WWTR1: variants seen among roughly 807,000 people sequenced by gnomAD.
WWTR1 encodes WW domain containing transcription regulator 1.
WWTR1 carries 13 observed loss-of-function variants against 40.1 expected under a neutral mutation model. The observed-to-expected ratio is 0.32, with a 90% confidence interval of 0.21 to 0.52. The LOEUF (loss-of-function observed/expected upper bound fraction) is 0.52. Among genes scored for constraint, WWTR1 ranks in the 20% least tolerant of loss-of-function variants. WWTR1 has a pLI of 0.97. For missense variants in WWTR1, 436 were observed against 523.1 expected (o/e 0.83, Z 1.63); for synonymous variants, 230 against 210.1 (o/e 1.09, Z -0.82).
rs142783248 is a variant in WWTR1 at position 149,612,331 on chromosome 3, T to TA, written c.432-39332dup. Among the ~76,000 whole-genome samples the TA allele has an allele frequency of 7.9e-3, 1,196 of 151,248 alleles. 18 individuals are homozygous for TA. The highest frequency in any genetic ancestry group is 0.027 in the African/African-American group (1,116 of 41,136). On this transcript the variant is annotated intron_variant, in intron 2 of 6. Transcript: ENST00000360632. ...TAATTTTGTTACAATGGGCATTGGGTAAACGTTCTCACAGATTAACTTAAT... is the reference window on the plus strand; with the variant it reads ...TAATTTTGTTACAATGGGCATTGGGTAAAACGTTCTCACAGATTAACTTAAT...
At position 149,630,561 on chromosome 3, in the gene WWTR1, T is replaced by C. The variant is rs140657354; in HGVS notation, c.431+26315A>G. Among the ~76,000 whole-genome samples, 33 of 152,310 alleles carry C rather than the reference T, an allele frequency of 2.2e-4. No individual in the cohort carries two copies. The East Asian group carries it at 3.3e-3, about 15-fold the overall frequency. On this transcript the variant is annotated intron_variant, in intron 2 of 6. Transcript: ENST00000360632. ...AGTCCCGCTCAGCTCCCGTACCTTCTAGGCAGAAATAGTCTTGTCACTTCA... is the reference window on the plus strand; with the variant it reads ...AGTCCCGCTCAGCTCCCGTACCTTCCAGGCAGAAATAGTCTTGTCACTTCA...
At chr3:149,521,590 C>A (rs1166095881) in intron 6 of WWTR1, among the ~76,000 whole-genome samples, 1 of 152,140 alleles carries the variant, frequency 6.6e-6, no homozygotes, top group East Asian at 1.9e-4. Flanking sequence ...GTAAAGAAAT[C>A]TTTTGTTTTC....
chr3:149,518,980 C>G lies in WWTR1; in HGVS notation c.*1825G>C, dbSNP rs1734916692. 6.6e-6 allele frequency: 1 copy of G among 151,946 alleles called. No homozygotes were observed. Among genetic ancestry groups the G allele is most frequent in the Admixed American group, 6.6e-5 (1 of 15,224 alleles). The allele number at this position is 151,946 out of a possible 1,614,324, so 9.4% of individuals were successfully genotyped here. A position where few individuals can be genotyped will look rare whatever the true frequency, so the allele number is the denominator to read the frequency against. On this transcript the variant is annotated 3_prime_UTR_variant, in exon 7 of 7. Transcript: ENST00000360632. ...TCTTTCCAACATGATCCAATGTACT[C>G]TGTACATGTATATTCCGGTAGATCA...
chr3:149,536,489 G>T (rs868352836), intron 4 of WWTR1, among the ~76,000 whole-genome samples: 1 of 151,858 alleles, frequency 6.6e-6, no homozygotes, highest in South Asian at 2.1e-4. Context: ...AAAAGGGGGG[G>T]GCCTCAGAAC....
At chr3:149,565,718 C>A (rs904893241) in intron 3 of WWTR1, among the ~76,000 whole-genome samples, 15 of 151,830 alleles carry the variant, frequency 9.9e-5, no homozygotes, top group African/African-American at 3.6e-4. Context: ...TTGAGACCAG[C>A]CTGACCAACA....
intron 2 of WWTR1, among the ~76,000 whole-genome samples, chr3:149,640,530 C>T (rs893268440): frequency 1.2e-4 from 19 of 152,094 alleles, no homozygotes; most frequent in African/African-American, 4.3e-4. Context: ...TAGTGAATCT[C>T]CTGCCTCAGC....
chr3:149,716,595 A>T (rs1715611383), intron 5 of WWTR1, among the ~76,000 whole-genome samples: 1 of 152,132 alleles, frequency 6.6e-6, no homozygotes, highest in African/African-American at 2.4e-5. Flanking sequence ...GGGAAAAAAA[A>T]ATTATATTTT....
chr3:149,594,190 A>G (rs554245101), intron 2 of WWTR1, among the ~76,000 whole-genome samples: 3 of 152,334 alleles, frequency 2.0e-5, no homozygotes, highest in African/African-American at 7.2e-5. Flanking sequence ...AAAGGGATGT[A>G]GTTTCCATAT....
chr3:149,550,391 G>A (rs1736559968), intron 3 of WWTR1, among the ~76,000 whole-genome samples: 1 of 152,034 alleles, frequency 6.6e-6, no homozygotes, highest in African/African-American at 2.4e-5. Context: ...GAGTAATAGG[G>A]GGTACCAAGA....
intron 1 of WWTR1, among the ~76,000 whole-genome samples, chr3:149,674,384 C>T (rs1714196216): frequency 1.3e-5 from 2 of 151,894 alleles, no homozygotes; most frequent in South Asian, 2.1e-4. Flanking sequence ...GTCCGGAGTT[C>T]GAGACCAGCC....
intron 2 of WWTR1, among the ~76,000 whole-genome samples, chr3:149,624,632 G>A (rs1437471043): frequency 6.6e-6 from 1 of 152,158 alleles, no homozygotes; most frequent in East Asian, 1.9e-4. Flanking sequence ...AAATAACATT[G>A]CTTCTGCTAA....
chr3:149,695,248 G>A (rs1306034782), intron 1 of WWTR1, among the ~76,000 whole-genome samples: 1 of 152,104 alleles, frequency 6.6e-6, no homozygotes, highest in Non-Finnish European at 1.5e-5. Flanking sequence ...GTATTTGACA[G>A]CACAACAGGG....
At chr3:149,717,911 GATTTT>G (rs1715650535) in intron 4 of WWTR1, among the ~76,000 whole-genome samples, 2 of 151,596 alleles carry the variant, frequency 1.3e-5, no homozygotes, top group Non-Finnish European at 2.9e-5. Context: ...TTTTCTCCTA[GATTTT>G]ATATCACCAT....
At position 149,616,868 on chromosome 3, in the gene WWTR1, A is replaced by G. The variant is rs753629605; in HGVS notation, c.431+40008T>C. Among the ~76,000 whole-genome samples, 59 of 152,224 alleles carry G rather than the reference A, an allele frequency of 3.9e-4. 1 individual carries two copies. The highest frequency in any genetic ancestry group is 2.1e-4 in the Non-Finnish European group (14 of 68,038). ...AGGCCATGTACTTATTCATTACTAC[A>G]TCCCGCAGTCCCAGCACAAACTAGA... is the stretch of plus-strand genomic sequence containing the variant. On this transcript the variant is annotated intron_variant, in intron 2 of 6. Coordinates refer to ENST00000360632, the MANE Select transcript of WWTR1 (RefSeq NM_015472.6).
chr3:149,549,855 AAAAACAAAAC>A (rs373961886), intron 3 of WWTR1, among the ~76,000 whole-genome samples: 5 of 152,122 alleles, frequency 3.3e-5, no homozygotes, highest in Non-Finnish European at 7.4e-5. Context: ...ACAAAAAACA[AAAAACAAAAC>A]AAAACAAAAC....
At chr3:149,667,833 A>G (rs1394168365) in intron 2 of WWTR1, among the ~76,000 whole-genome samples, 1 of 152,236 alleles carries the variant, frequency 6.6e-6, no homozygotes, top group African/African-American at 2.4e-5. Context: ...TTCATTCTGT[A>G]TATTTCCTCC....
At position 149,594,558 on chromosome 3, in the gene WWTR1, G is replaced by A. The variant is rs140816327; in HGVS notation, c.432-21558C>T. ...CTAATTTAATCATAAAGAACCCATC[G>A]TGTGTGATAGTGGTCTAAAGTTTTT... On this transcript the variant is annotated intron_variant, in intron 2 of 6. Transcript: ENST00000360632. Among the ~76,000 whole-genome samples the A allele has an allele frequency of 4.6e-5, 7 of 152,162 alleles. No homozygotes were observed. The East Asian group carries it at 9.6e-4, about 21-fold the overall frequency.
At chr3:149,539,756 G>A (rs1736000712) in intron 4 of WWTR1, among the ~76,000 whole-genome samples, 1 of 151,958 alleles carries the variant, frequency 6.6e-6, no homozygotes, top group Admixed American at 6.6e-5. Context: ...TGCTGCCATG[G>A]CTTAGGTTCA....
At chr3:149,592,739 A>G (rs1354507240) in intron 2 of WWTR1, among the ~76,000 whole-genome samples, 2 of 152,208 alleles carry the variant, frequency 1.3e-5, no homozygotes, top group Non-Finnish European at 2.9e-5. Flanking sequence ...CTGTATTTTA[A>G]AATCAGGAGC....
Sources: allele counts gnomAD v4.1 joint callset (sites outside exome capture counted in the v4.1 genomes callset), GRCh38; gene constraint gnomAD v4.1.1; transcripts MANE v1.5; gene names NCBI Gene and HGNC (gene_info 2026-07-23, HGNC 2026-07-21).